CA10: variants seen among roughly 807,000 people sequenced by gnomAD.
CA10 encodes the protein carbonic anhydrase 10 (inactive), also known as carbonic anhydrase-related protein 10.
CA10 carries 14 observed loss-of-function variants against 44.2 expected under a neutral mutation model. That is an observed-to-expected ratio of 0.32 (90% confidence interval 0.21 to 0.50). The LOEUF (loss-of-function observed/expected upper bound fraction) is 0.50. Among genes scored for constraint, CA10 ranks in the 20% least tolerant of loss-of-function variants. CA10 has a pLI of 0.99. For synonymous variants in CA10, 159 were observed against 141.6 expected, an observed-to-expected ratio of 1.12 and a Z score of -0.87; for missense variants, 350 against 409.7, an observed-to-expected ratio of 0.85 and a Z score of 1.26.
chr17:52,021,922 C>T (rs1342281250), intron 2 of CA10, among the ~76,000 whole-genome samples: 2 of 151,858 alleles, frequency 1.3e-5, no homozygotes, highest in Non-Finnish European at 2.9e-5. Flanking sequence ...AAAAGACTAC[C>T]AACCAAAAAA....
intron 3 of CA10, among the ~76,000 whole-genome samples, chr17:51,924,270 CTTTG>C (rs996509890): frequency 3.3e-5 from 5 of 152,010 alleles, no homozygotes; most frequent in African/African-American, 1.2e-4. Context: ...GATGCATTCA[CTTTG>C]TTTGTTTTGT....
chr17:51,871,171 G>A (rs914430654), intron 3 of CA10, among the ~76,000 whole-genome samples: 3 of 144,182 alleles, frequency 2.1e-5, no homozygotes, highest in African/African-American at 5.1e-5. Context: ...CAATTCTCCT[G>A]TCTCAGCCTC....
intron 1 of CA10, among the ~76,000 whole-genome samples, chr17:52,154,154 A>T (rs1989757624): frequency 6.6e-5 from 10 of 152,216 alleles, no homozygotes; most frequent in Admixed American, 6.5e-4. Flanking sequence ...AACCTAATTT[A>T]TTCTTTCAGA....
intron 4 of CA10, among the ~76,000 whole-genome samples, chr17:51,699,258 C>G (rs762024160): frequency 9.2e-5 from 14 of 151,548 alleles, no homozygotes; most frequent in Non-Finnish European, 1.6e-4. Context: ...AGGAGGTGGA[C>G]CTTGCAGTGA....
At position 51,630,757 on chromosome 17, in the gene CA10, A is replaced by C. The variant is rs1403664621; in HGVS notation, c.*827T>G. 1 of 152,650 alleles carries C rather than the reference A, an allele frequency of 6.6e-6. No homozygotes were observed. The highest frequency in any genetic ancestry group is 1.9e-4 in the East Asian group (1 of 5,198). The allele number at this position is 152,650 out of a possible 1,614,324, so 9.5% of individuals were successfully genotyped here. On this transcript the variant is annotated 3_prime_UTR_variant, in exon 9 of 9. Coordinates refer to ENST00000451037, the MANE Select transcript of CA10 (RefSeq NM_020178.5). ...CCTGTAAGGAAGGAGAACAGACCAA[A>C]GCCAGAAAAATGAAATTAACTCGTT...
At chr17:51,844,933 A>T (rs1172330357) in intron 3 of CA10, among the ~76,000 whole-genome samples, 2 of 152,218 alleles carry the variant, frequency 1.3e-5, no homozygotes, top group East Asian at 3.8e-4. Context: ...AGATGAGGTC[A>T]TTATGGCTGG....
intron 2 of CA10, among the ~76,000 whole-genome samples, chr17:52,066,341 AT>A (rs1348463401): frequency 6.6e-6 from 1 of 152,196 alleles, no homozygotes; most frequent in Non-Finnish European, 1.5e-5. Context: ...GGACAATGAA[AT>A]ACAGCAGGCT....
At chr17:51,961,188 A>AACTC (rs146330814) in intron 2 of CA10, among the ~76,000 whole-genome samples, 69 of 145,102 alleles carry the variant, frequency 4.8e-4, no homozygotes, top group African/African-American at 1.7e-3. Context: ...TGTACACACA[A>AACTC]ACACACACAC....
chr17:51,825,583 A>G (rs1341620128), intron 3 of CA10, among the ~76,000 whole-genome samples: 2 of 152,228 alleles, frequency 1.3e-5, no homozygotes, highest in East Asian at 1.9e-4. Context: ...TCAGAATTCC[A>G]TCTTTTGAAC....
chr17:52,076,289 G>T (rs565121821), intron 1 of CA10, among the ~76,000 whole-genome samples: 1 of 152,320 alleles, frequency 6.6e-6, no homozygotes, highest in Non-Finnish European at 1.5e-5. Context: ...ATCACCAAAA[G>T]CTTCTGTTCC....
At chr17:51,939,431 A>G (rs1309167402) in intron 2 of CA10, among the ~76,000 whole-genome samples, 4 of 152,228 alleles carry the variant, frequency 2.6e-5, no homozygotes, top group Admixed American at 2.0e-4. Flanking sequence ...TCCTAAAGGT[A>G]GTATTGTTCA....
At chr17:52,046,684 CCAGA>C (rs1272845205) in intron 2 of CA10, among the ~76,000 whole-genome samples, 1 of 151,710 alleles carries the variant, frequency 6.6e-6, no homozygotes. Context: ...CTTTCAGAAA[CCAGA>C]CACAGAATCA....
At chr17:52,086,375 T>G (rs769026405) in intron 1 of CA10, among the ~76,000 whole-genome samples, 5 of 152,232 alleles carry the variant, frequency 3.3e-5, no homozygotes, top group Non-Finnish European at 7.3e-5. Context: ...CTCTGCTATC[T>G]GCAATACAAG....
intron 3 of CA10, among the ~76,000 whole-genome samples, chr17:51,751,453 A>C (rs1040776854): frequency 1.3e-5 from 2 of 152,236 alleles, no homozygotes; most frequent in African/African-American, 4.8e-5. Flanking sequence ...AACAATAAAA[A>C]GTTGGTAAAA....
chr17:51,807,050 G>A (rs1598054475), intron 3 of CA10, among the ~76,000 whole-genome samples: 1 of 152,330 alleles, frequency 6.6e-6, no homozygotes, highest in Non-Finnish European at 1.5e-5. Context: ...AGATTAAAGT[G>A]CATGTCTAAG....
chr17:52,054,158 A>G (rs1347510763), intron 2 of CA10, among the ~76,000 whole-genome samples: 3 of 152,312 alleles, frequency 2.0e-5, no homozygotes, highest in South Asian at 4.1e-4. Flanking sequence ...TTTCAAAAGC[A>G]AATAGGAGAA....
chr17:51,934,652 G>C (rs1413393056), intron 2 of CA10, among the ~76,000 whole-genome samples: 1 of 152,060 alleles, frequency 6.6e-6, no homozygotes, highest in Non-Finnish European at 1.5e-5. Context: ...TTCAGTTCAG[G>C]CGATGTGTTT....
intron 3 of CA10, among the ~76,000 whole-genome samples, chr17:51,783,777 C>T (rs1906148633): frequency 6.6e-6 from 1 of 152,108 alleles, no homozygotes; most frequent in African/African-American, 2.4e-5. Context: ...AGAGGGTGGG[C>T]TCTGTTAGGT....
In CA10 at chr17:52,045,472, T is replaced by C. The variant is rs538692657; in HGVS notation, c.136+26847A>G. On this transcript the variant is annotated intron_variant, in intron 2 of 8. Coordinates refer to ENST00000451037, the MANE Select transcript of CA10 (RefSeq NM_020178.5). Reference sequence around the variant, plus strand: ...GATAAATTATGATTTAAAGTGAAAATAACAATTGTAATACAGTATATAACA... The same window carrying C: ...GATAAATTATGATTTAAAGTGAAAACAACAATTGTAATACAGTATATAACA... Among the ~76,000 whole-genome samples the C allele has an allele frequency of 3.4e-4, 52 of 152,042 alleles. 1 individual carries two copies. The South Asian group carries it at 0.01, about 30-fold the overall frequency.
Sources: allele counts gnomAD v4.1 joint callset (sites outside exome capture counted in the v4.1 genomes callset), GRCh38; gene constraint gnomAD v4.1.1; transcripts MANE v1.5; gene names NCBI Gene and HGNC (gene_info 2026-07-23, HGNC 2026-07-21).